Variants in LONP2 observed in about 807,000 individuals in gnomAD.
LONP2 encodes lon protease homolog 2, peroxisomal.
In LONP2, 60 loss-of-function variants were observed where a neutral mutation model predicts 85.6. The observed-to-expected ratio is 0.70, with a 90% CI of 0.57 to 0.87. The LOEUF (loss-of-function observed/expected upper bound fraction) is 0.87. Among genes scored for constraint, LONP2 ranks in the 40% least tolerant of loss-of-function variants. The pLI is 0.00. For missense variants in LONP2, 860 were observed against 1,063.5 expected, an observed-to-expected ratio of 0.81 and a Z score of 2.66; for synonymous variants, 395 against 389.7, an observed-to-expected ratio of 1.01 and a Z score of -0.16.
chr16:48,294,051 C>T (rs772417823), intron 8 of LONP2, among the ~76,000 whole-genome samples: 18 of 152,196 alleles, frequency 1.2e-4, no homozygotes, highest in Non-Finnish European at 2.2e-4. Flanking sequence ...ATTCTCATGC[C>T]TCAGCCTCCC....
chr16:48,255,540 CA>C (rs972589658), intron 2 of LONP2, among the ~76,000 whole-genome samples: 23 of 152,164 alleles, frequency 1.5e-4, no homozygotes, highest in African/African-American at 5.3e-4. Context: ...TATACGCTGA[CA>C]GTTGTTTTTC....
At chr16:48,335,653 C>T (rs1959623993) in intron 12 of LONP2, among the ~76,000 whole-genome samples, 1 of 152,164 alleles carries the variant, frequency 6.6e-6, no homozygotes, top group Non-Finnish European at 1.5e-5. Flanking sequence ...CTCCATCTAA[C>T]ATTTGAAATC....
At chr16:48,290,125 T>C (rs1485466080) in intron 8 of LONP2, among the ~76,000 whole-genome samples, 1 of 152,216 alleles carries the variant, frequency 6.6e-6, no homozygotes. Flanking sequence ...TCTTTAGTTA[T>C]ATTAACCAGT....
chr16:48,250,082 G>A (rs111950327), intron 1 of LONP2, among the ~76,000 whole-genome samples: 1 of 148,454 alleles, frequency 6.7e-6, no homozygotes, highest in African/African-American at 2.5e-5. Flanking sequence ...ATCCCAGCTA[G>A]TTGGGAGGCT....
chr16:48,255,305 A>G (rs1422271362), intron 2 of LONP2, among the ~76,000 whole-genome samples: 2 of 152,178 alleles, frequency 1.3e-5, no homozygotes, highest in African/African-American at 2.4e-5. Flanking sequence ...GGAAAAGGAA[A>G]TGGGGCGCAT....
At chr16:48,248,977 G>A (rs1023793025) in intron 1 of LONP2, among the ~76,000 whole-genome samples, 3 of 151,422 alleles carry the variant, frequency 2.0e-5, no homozygotes, top group Non-Finnish European at 4.4e-5. Context: ...TTTTCCAGTA[G>A]TGCTGCTTTT....
intron 11 of LONP2, among the ~76,000 whole-genome samples, chr16:48,307,404 T>C (rs1972933900): frequency 6.6e-6 from 1 of 152,206 alleles, no homozygotes; most frequent in South Asian, 2.1e-4. Context: ...AAATGTCCCA[T>C]GTATTTAATT....
intron 8 of LONP2, among the ~76,000 whole-genome samples, chr16:48,288,155 T>C (rs1972487401): frequency 6.8e-6 from 1 of 147,136 alleles, no homozygotes; most frequent in African/African-American, 2.5e-5. Flanking sequence ...TTCTTCTTTT[T>C]TTTTTTTTTT....
At chr16:48,312,203 A>G (rs907730526) in intron 11 of LONP2, among the ~76,000 whole-genome samples, 2 of 152,124 alleles carry the variant, frequency 1.3e-5, no homozygotes, top group African/African-American at 4.8e-5. Flanking sequence ...TTGGCTTCCT[A>G]AAGTGCTAGG....
At chr16:48,278,443 C>T (rs1321889328) in intron 8 of LONP2, among the ~76,000 whole-genome samples, 1 of 152,066 alleles carries the variant, frequency 6.6e-6, no homozygotes, top group East Asian at 1.9e-4. Flanking sequence ...GTGTTAACTC[C>T]CTGATAGTTT....
At chr16:48,269,206 T>G (rs1057231474) in intron 6 of LONP2, among the ~76,000 whole-genome samples, 1 of 152,026 alleles carries the variant, frequency 6.6e-6, no homozygotes, top group African/African-American at 2.4e-5. Context: ...ATCTGTTTTT[T>G]TTTTTTTTTT....
At chr16:48,254,182 G>A (rs1266727595) in intron 2 of LONP2, among the ~76,000 whole-genome samples, 1 of 152,154 alleles carries the variant, frequency 6.6e-6, no homozygotes, top group African/African-American at 2.4e-5. Context: ...AAATTTCTTA[G>A]TATAACATTA....
At chr16:48,299,476 G>A (rs1031258113) in intron 9 of LONP2, among the ~76,000 whole-genome samples, 186 bp from the exon 10 acceptor site, 39 of 151,926 alleles carry the variant, frequency 2.6e-4, no homozygotes, top group African/African-American at 9.4e-4. Context: ...CAGCTGCTCG[G>A]GAGGGTGAGG....
In LONP2 at chr16:48,355,228, G is replaced by T. The variant is rs1183332137; in HGVS notation, c.*3426G>T. 1 of 152,050 alleles carries T rather than the reference G, an allele frequency of 6.6e-6. No individual in the cohort carries two copies. The highest frequency in any genetic ancestry group is 2.4e-5 in the African/African-American group (1 of 41,400). 9.4% of individuals were successfully genotyped at this position (152,050 alleles called of 1,614,324 possible). On this transcript the variant is annotated 3_prime_UTR_variant, in exon 15 of 15. Transcript: ENST00000285737. ...CCCCCCACCAAATTCGTATGTTGAAGCAACCACCAACGTGATAGGTGAGGC... is the reference window on the plus strand; with the variant it reads ...CCCCCCACCAAATTCGTATGTTGAATCAACCACCAACGTGATAGGTGAGGC...
intron 12 of LONP2, among the ~76,000 whole-genome samples, chr16:48,337,502 A>G (rs1423932427): frequency 6.6e-6 from 1 of 152,224 alleles, no homozygotes; most frequent in Non-Finnish European, 1.5e-5. Context: ...TAGAGTATTT[A>G]AATAACTTGA....
At position 48,354,448 on chromosome 16, in the gene LONP2, A is replaced by T. The variant is rs1401413081; in HGVS notation, c.*2646A>T. 1.3e-5 allele frequency: 2 copies of T among 151,918 alleles called. No individual in the cohort carries two copies. Among genetic ancestry groups the T allele is most frequent in the Non-Finnish European group, 2.9e-5 (2 of 68,050 alleles). The allele number at this position is 151,918 out of a possible 1,614,324, so 9.4% of individuals were successfully genotyped here. Reference sequence around the variant, plus strand: ...GGTCTCAAACTCCCAACCTCAAATGATCCGGCCACCTTGGCCTCCCAAAAT... The same window carrying T: ...GGTCTCAAACTCCCAACCTCAAATGTTCCGGCCACCTTGGCCTCCCAAAAT... On this transcript the variant is annotated 3_prime_UTR_variant, in exon 15 of 15. Coordinates refer to ENST00000285737, the MANE Select transcript of LONP2 (RefSeq NM_031490.5).
At chr16:48,359,447 G>A (rs183632464), downstream of LONP2, among the ~76,000 whole-genome samples, 10 of 152,284 alleles carry the variant, frequency 6.6e-5, no homozygotes, top group East Asian at 1.9e-4. Flanking sequence ...ACGCAAGGCC[G>A]GGCGCGGTGG....
chr16:48,267,049 A>G (rs1184606288), intron 6 of LONP2, among the ~76,000 whole-genome samples: 1 of 152,204 alleles, frequency 6.6e-6, no homozygotes, highest in African/African-American at 2.4e-5. Flanking sequence ...TGTCGTGACA[A>G]AATACTGCCT....
rs550951971 is a variant in LONP2 at position 48,268,109 on chromosome 16, A to C, written c.983-1907A>C. 8.5e-5 allele frequency among the ~76,000 whole-genome samples: 13 copies of C among 152,356 alleles called. No individual in the cohort carries two copies. In the South Asian group the frequency reaches 2.5e-3, roughly 29 times the overall value. ...AAGGAAATTTATATTGAAATTTGAA[A>C]AATTTTTTACATGTAATCACATGTT... is the stretch of plus-strand genomic sequence containing the variant. On this transcript the variant is annotated intron_variant, in intron 6 of 14. Coordinates refer to ENST00000285737, the MANE Select transcript of LONP2 (RefSeq NM_031490.5).
Sources: gnomAD v4.1 joint callset for allele counts (sites outside exome capture counted in the v4.1 genomes callset) on GRCh38, gnomAD v4.1.1 for gene constraint, MANE v1.5 for transcripts, NCBI Gene and HGNC (gene_info 2026-07-23, HGNC 2026-07-21) for gene names.